The following FLRT2 variants were observed in gnomAD, a reference collection of about 807,000 sequenced individuals.
FLRT2 encodes fibronectin leucine rich transmembrane protein 2.
FLRT2 carries 15 observed loss-of-function variants against 40.0 expected under a neutral mutation model. The observed-to-expected ratio is 0.38, with a 90% confidence interval of 0.25 to 0.58. FLRT2 has a LOEUF of 0.58. FLRT2 is among the 20% of genes least tolerant of loss of function. The pLI is 0.71. For synonymous variants in FLRT2, 380 were observed against 336.8 expected, an observed-to-expected ratio of 1.13 and a Z score of -1.41; for missense variants, 726 against 840.0, an observed-to-expected ratio of 0.86 and a Z score of 1.68.
At position 85,636,407 on chromosome 14, in the gene FLRT2, A is replaced by AAAG. The variant is rs1555373250; in HGVS notation, c.*12911_*12912insAGA. On this transcript the variant is annotated 3_prime_UTR_variant, in exon 2 of 2. Transcript: ENST00000330753. ...CACCTGCAGAAAAAAAAAAAAAAAA[A>AAAG]ACAAAAAACATTCTTATTAATCTTA... The AAAG allele has an allele frequency of 1.4e-5, 1 of 71,512 alleles. No individual in the cohort carries two copies. Among genetic ancestry groups the AAAG allele is most frequent in the Admixed American group, 1.5e-4 (1 of 6,564 alleles). 4.4% of individuals were successfully genotyped at this position (71,512 alleles called of 1,614,324 possible).
intron 1 of FLRT2, among the ~76,000 whole-genome samples, chr14:85,586,125 A>G (rs960990156): frequency 2.0e-5 from 3 of 148,358 alleles, no homozygotes; most frequent in South Asian, 2.1e-4. Flanking sequence ...CAGTGTTTAT[A>G]TAATATATAT....
intron 1 of FLRT2, among the ~76,000 whole-genome samples, chr14:85,537,543 C>G (rs1888732927): frequency 6.6e-6 from 1 of 152,016 alleles, no homozygotes; most frequent in African/African-American, 2.4e-5. Flanking sequence ...TATCAGTATA[C>G]TTTTACTCCT....
At position 85,626,497 on chromosome 14, in the gene FLRT2, A is replaced by T. The variant is rs750611248; in HGVS notation, c.*3000A>T. 1 of 167,230 alleles carries T rather than the reference A, an allele frequency of 6.0e-6. No individual in the cohort carries two copies. Among genetic ancestry groups the T allele is most frequent in the South Asian group, 2.1e-4 (1 of 4,834 alleles). 10.4% of individuals were successfully genotyped at this position (167,230 alleles called of 1,614,324 possible). A position where few individuals can be genotyped will look rare whatever the true frequency, so the allele number is the denominator to read the frequency against. ...TGGTAAATGTCACTGTACAGAAGACATTGAAAAGGAAGAGGCATAGTCATG... is the reference window on the plus strand; with the variant it reads ...TGGTAAATGTCACTGTACAGAAGACTTTGAAAAGGAAGAGGCATAGTCATG... On this transcript the variant is annotated 3_prime_UTR_variant, in exon 2 of 2. Coordinates refer to ENST00000330753, the MANE Select transcript of FLRT2 (RefSeq NM_013231.6).
chr14:85,617,807 A>T (rs1435693452), intron 1 of FLRT2, among the ~76,000 whole-genome samples: 2 of 152,148 alleles, frequency 1.3e-5, no homozygotes, highest in Non-Finnish European at 2.9e-5. Context: ...AAGCCCTGAG[A>T]GTTTGTTTTC....
chr14:85,615,219 G>A (rs1009808584), intron 1 of FLRT2, among the ~76,000 whole-genome samples: 3 of 152,218 alleles, frequency 2.0e-5, no homozygotes, highest in East Asian at 1.9e-4. Context: ...TGGGCTGAGA[G>A]AGGCAGGTAG....
intron 1 of FLRT2, among the ~76,000 whole-genome samples, chr14:85,600,610 T>C (rs929550410): frequency 3.9e-5 from 6 of 152,054 alleles, no homozygotes; most frequent in Non-Finnish European, 8.8e-5. Context: ...CAAAGGAAAA[T>C]TGAAAGAGAC....
intron 1 of FLRT2, among the ~76,000 whole-genome samples, chr14:85,548,438 C>G (rs982993271): frequency 1.3e-5 from 2 of 152,126 alleles, no homozygotes; most frequent in East Asian, 3.9e-4. Flanking sequence ...ATTTTTAAAA[C>G]CTGTACTCTT....
chr14:85,532,260 G>A (rs1332333965), intron 1 of FLRT2, among the ~76,000 whole-genome samples: 1 of 152,130 alleles, frequency 6.6e-6, no homozygotes, highest in Non-Finnish European at 1.5e-5. Context: ...CCCCACCGAC[G>A]GCGCGTCTCG....
intron 1 of FLRT2, among the ~76,000 whole-genome samples, chr14:85,535,892 GT>G (rs71454768): frequency 0.024 from 1,363 of 57,804 alleles, 25 homozygotes; most frequent in Non-Finnish European, 0.033. Flanking sequence ...AAGGAATGCT[GT>G]TTTTTTTTTT....
rs1566709351 is a variant in FLRT2, at chr14:85,530,221, G to C, written c.-690G>C. ...TGTCACCGCGGAGGAACGAGCGCTC[G>C]AGATATCATCAGTGCCCGCAAATCT... On this transcript the variant is annotated 5_prime_UTR_variant, in exon 1 of 2. Transcript: ENST00000330753. 1 of 152,664 alleles carries C rather than the reference G, an allele frequency of 6.6e-6. No individual in the cohort carries two copies. The highest frequency in any genetic ancestry group is 2.1e-4 in the South Asian group (1 of 4,836). 9.5% of individuals were successfully genotyped at this position (152,664 alleles called of 1,614,324 possible). A position where few individuals can be genotyped will look rare whatever the true frequency, so the allele number is the denominator to read the frequency against.
chr14:85,589,504 G>T (rs1208188144), intron 1 of FLRT2, among the ~76,000 whole-genome samples: 2 of 151,656 alleles, frequency 1.3e-5, no homozygotes, highest in African/African-American at 4.8e-5. Context: ...ATATCTTCTT[G>T]TTATTAAGCC....
intron 1 of FLRT2, among the ~76,000 whole-genome samples, chr14:85,600,124 A>AT (rs1892318715): frequency 1.3e-5 from 2 of 152,210 alleles, no homozygotes; most frequent in Non-Finnish European, 2.9e-5. Context: ...TAAAAGAAGA[A>AT]TTGACCTCAC....
intron 1 of FLRT2, among the ~76,000 whole-genome samples, chr14:85,554,151 C>A (rs1889809788): frequency 6.6e-6 from 1 of 151,942 alleles, no homozygotes; most frequent in African/African-American, 2.4e-5. Context: ...AGGACACTAC[C>A]CGTATTTAAG....
At chr14:85,559,026 G>A (rs768025770) in intron 1 of FLRT2, among the ~76,000 whole-genome samples, 2 of 152,124 alleles carry the variant, frequency 1.3e-5, no homozygotes, top group South Asian at 2.1e-4. Flanking sequence ...ACCAATACAC[G>A]CACATAGAAG....
Position 85,652,028 on chromosome 14 carries a change from A to C in FLRT2, c.*28531A>C, listed in dbSNP as rs1484196147. On this transcript the variant is annotated 3_prime_UTR_variant, in exon 2 of 2. Transcript: ENST00000330753. The stretch of plus-strand genomic sequence containing the variant: ...ACATGGGACTCAAAACAACACTAGG[A>C]AAATAGCGTAGATCAGATAATTCTC... The C allele has an allele frequency of 6.6e-6, 1 of 152,086 alleles. No individual in the cohort carries two copies. Among genetic ancestry groups the C allele is most frequent in the Non-Finnish European group, 1.5e-5 (1 of 67,964 alleles). 9.4% of individuals were successfully genotyped at this position (152,086 alleles called of 1,614,324 possible). A position where few individuals can be genotyped will look rare whatever the true frequency, so the allele number is the denominator to read the frequency against.
chr14:85,556,961 C>T lies in FLRT2; in HGVS notation c.-377+26427C>T, dbSNP rs990794098. 1.8e-4 allele frequency among the ~76,000 whole-genome samples: 28 copies of T among 152,132 alleles called. 1 individual carries two copies. The highest frequency in any genetic ancestry group is 3.4e-3 in the Middle Eastern group (1 of 294). On this transcript the variant is annotated intron_variant, in intron 1 of 1. Coordinates refer to ENST00000330753, the MANE Select transcript of FLRT2 (RefSeq NM_013231.6). The stretch of plus-strand genomic sequence containing the variant: ...GCAAAAGGCACTTCTTACATGGCAG[C>T]GGCAAGAGAAAATGAGGAAGACCCA...
In FLRT2 at chr14:85,627,542, C is replaced by T. The variant is rs572486629; in HGVS notation, c.*4045C>T. 1 of 166,828 alleles carries T rather than the reference C, an allele frequency of 6.0e-6. No homozygotes were observed. The highest frequency in any genetic ancestry group is 6.6e-5 in the Admixed American group (1 of 15,256). The allele number at this position is 166,828 out of a possible 1,614,324, so 10.3% of individuals were successfully genotyped here. A position where few individuals can be genotyped will look rare whatever the true frequency, so the allele number is the denominator to read the frequency against. On this transcript the variant is annotated 3_prime_UTR_variant, in exon 2 of 2. Transcript: ENST00000330753. The stretch of plus-strand genomic sequence containing the variant: ...CACAAAGCAAGGCCATTGCAACAGG[C>T]ATTTAAAAATTATTATCAAACATGC...
rs1888866265 is a variant in FLRT2, at chr14:85,539,607, A to G, written c.-377+9073A>G. On this transcript the variant is annotated intron_variant, in intron 1 of 1. Transcript: ENST00000330753. ...TGCTTCTTTCTATATTCAGCCTTGT[A>G]TGAATTACTTAATCTCCTGGAGACT... Among the ~76,000 whole-genome samples the G allele has an allele frequency of 4.6e-5, 7 of 152,294 alleles. 1 individual carries two copies. The South Asian group carries it at 1.5e-3, about 32-fold the overall frequency.
chr14:85,598,997 A>C (rs1892263278), intron 1 of FLRT2, among the ~76,000 whole-genome samples: 2 of 143,098 alleles, frequency 1.4e-5, no homozygotes, highest in African/African-American at 5.2e-5. Context: ...GGCTCACTGC[A>C]AGCTCCGCCT....
Sources: allele counts gnomAD v4.1 joint callset (sites outside exome capture counted in the v4.1 genomes callset), GRCh38; gene constraint gnomAD v4.1.1; transcripts MANE v1.5; gene names NCBI Gene and HGNC (gene_info 2026-07-23, HGNC 2026-07-21).